Variants in PLCG2 observed in about 807,000 individuals in gnomAD.
PLCG2 encodes the protein phospholipase C gamma 2.
PLCG2 carries 69 observed loss-of-function variants against 175.6 expected under a neutral mutation model. The ratio of observed to expected loss-of-function variants is 0.39; its 90% CI spans 0.32 to 0.48. The LOEUF (loss-of-function observed/expected upper bound fraction) is 0.48, where lower values mean the gene tolerates loss of function less well. Among genes scored for constraint, PLCG2 ranks in the 20% least tolerant of loss-of-function variants. The pLI, the probability that PLCG2 is intolerant of heterozygous loss-of-function variation, is 0.91. For synonymous variants in PLCG2, 827 were observed against 624.0 expected (o/e 1.33, Z -4.85); for missense variants, 1,798 against 1,650.9 (o/e 1.09, Z -1.54).
chr16:81,928,837 A>T (rs530497122), intron 24 of PLCG2: 1 of 485,880 alleles, frequency 2.1e-6, no homozygotes, highest in Non-Finnish European at 3.7e-6. Context: ...GTGCTAAAAC[A>T]AGGTCTCGTA....
rs368242901 is a variant in PLCG2 at position 81,950,177 on chromosome 16, T to A, written c.3570+3914T>A. On this transcript the variant is annotated intron_variant, in intron 31 of 32. Coordinates refer to ENST00000564138, the MANE Select transcript of PLCG2 (RefSeq NM_002661.5). Reference sequence around the variant, plus strand: ...TGGTGAATAGGCTGAATCCTCCTATTAGAAAAGAAATCTACCTGCAGTGTT... The same window carrying A: ...TGGTGAATAGGCTGAATCCTCCTATAAGAAAAGAAATCTACCTGCAGTGTT... Among the ~76,000 whole-genome samples, 168 of 152,258 alleles carry A rather than the reference T, an allele frequency of 1.1e-3. 4 individuals carry two copies. In the South Asian group the frequency reaches 0.033, roughly 30 times the overall value.
chr16:81,902,906 A>G (rs1215511948), intron 14 of PLCG2, among the ~76,000 whole-genome samples: 3 of 152,148 alleles, frequency 2.0e-5, no homozygotes, highest in African/African-American at 4.8e-5. Context: ...CATTTATAAA[A>G]CCAGATCTCA....
At chr16:81,805,783 G>GTTTTTTTTTTTTTTTTTT (rs35014411) in intron 2 of PLCG2, among the ~76,000 whole-genome samples, 19 of 82,928 alleles carry the variant, frequency 2.3e-4, no homozygotes, top group African/African-American at 8.3e-4. Flanking sequence ...TTTTTTTTTT[G>GTTTTTTTTTTTTTTTTTT]TTTTTTTTTT....
chr16:81,878,267 A>T (rs1040352984), intron 7 of PLCG2, among the ~76,000 whole-genome samples: 4 of 151,822 alleles, frequency 2.6e-5, no homozygotes, highest in African/African-American at 4.8e-5. Context: ...TACAGGTGTG[A>T]GCCACCGTGC....
intron 2 of PLCG2, among the ~76,000 whole-genome samples, chr16:81,805,298 G>A (rs548125277): frequency 6.6e-6 from 1 of 152,176 alleles, no homozygotes; most frequent in Admixed American, 6.5e-5. Context: ...AGGAGATCGA[G>A]ACCATCCTGA....
At chr16:81,905,802 C>T (rs4392065) in intron 15 of PLCG2, among the ~76,000 whole-genome samples, 60,016 of 151,830 alleles carry the variant, frequency 0.4, 12,757 homozygotes, top group East Asian at 0.8. Flanking sequence ...TGGGACCACA[C>T]GTGCGCACCA....
At chr16:81,950,335 G>A (rs1291424375) in intron 31 of PLCG2, among the ~76,000 whole-genome samples, 3 of 152,050 alleles carry the variant, frequency 2.0e-5, no homozygotes, top group Non-Finnish European at 4.4e-5. Flanking sequence ...GTATTAAGAC[G>A]AACAATATGT....
chr16:81,905,007 C>T (rs1909305301), intron 14 of PLCG2, among the ~76,000 whole-genome samples: 1 of 152,230 alleles, frequency 6.6e-6, no homozygotes, highest in Non-Finnish European at 1.5e-5. Flanking sequence ...ACTGTCTCAG[C>T]CTCCTGAGTA....
At position 81,805,767 on chromosome 16, in the gene PLCG2, G is replaced by GTTTTGTTTT. The variant is rs1555508066; in HGVS notation, c.193+19589_193+19590insGTTTTTTTT. On this transcript the variant is annotated intron_variant, in intron 2 of 32. Transcript: ENST00000564138. ...AGCCATGAGAGTAGTGTTTTGTTTT[G>GTTTTGTTTT]TTTTTTTTTTTTTTTGTTTTTTTTT... Among the ~76,000 whole-genome samples the GTTTTGTTTT allele has an allele frequency of 1.8e-3, 72 of 39,424 alleles. 7 individuals are homozygous for GTTTTGTTTT. Among genetic ancestry groups the GTTTTGTTTT allele is most frequent in the African/African-American group, 3.2e-3 (26 of 8,142 alleles). The allele number at this position is 39,424 out of a possible 152,430, so 25.9% of individuals were successfully genotyped here.
rs12932761 is a variant in PLCG2 at position 81,854,215 on chromosome 16, C to T, written c.194-229C>T. On this transcript the variant is annotated intron_variant, in intron 2 of 32. Transcript: ENST00000564138. ...AAACAGGGTGAGCGGAAACCCCAAA[C>T]TCTTCAGACTCCAGGGGTTTGTGGG... 0.095 allele frequency among the ~76,000 whole-genome samples: 14,412 copies of T among 152,200 alleles called. 710 individuals carry two copies. Among genetic ancestry groups the T allele is most frequent in the Middle Eastern group, 0.1 (30 of 294 alleles).
rs556979372 is a variant in PLCG2 at position 81,882,819 on chromosome 16, A to G, written c.693-450A>G. On this transcript the variant is annotated intron_variant, in intron 8 of 32. Coordinates refer to ENST00000564138, the MANE Select transcript of PLCG2 (RefSeq NM_002661.5). ...ATCCCACCTCACTCTCTGGAGCTCA[A>G]GTAGGTGCCTTTTCCTCAGGAAAGC... 1.8e-3 allele frequency among the ~76,000 whole-genome samples: 274 copies of G among 152,106 alleles called. 2 individuals are homozygous for G. Among genetic ancestry groups the G allele is most frequent in the African/African-American group, 6.3e-3 (262 of 41,506 alleles).
Position 81,830,569 on chromosome 16 carries a change from A to G in PLCG2, c.194-23875A>G, listed in dbSNP as rs554403762. ...GTGATCCATAGGCCTCAGCCTCCCA[A>G]AGTGCTGGGATTACAGGCATAAGCC... On this transcript the variant is annotated intron_variant, in intron 2 of 32. Coordinates refer to ENST00000564138, the MANE Select transcript of PLCG2 (RefSeq NM_002661.5). Among the ~76,000 whole-genome samples, 14 of 152,034 alleles carry G rather than the reference A, an allele frequency of 9.2e-5. No individual in the cohort carries two copies. In the South Asian group the frequency reaches 2.1e-3, roughly 23 times the overall value.
intron 2 of PLCG2, among the ~76,000 whole-genome samples, chr16:81,810,112 C>T (rs1904304837): frequency 6.6e-6 from 1 of 152,166 alleles, no homozygotes. Flanking sequence ...CTGCCTCAGC[C>T]TCCTGAGTAG....
intron 30 of PLCG2, among the ~76,000 whole-genome samples, chr16:81,945,491 G>A (rs916447884): frequency 4.6e-5 from 7 of 152,214 alleles, no homozygotes; most frequent in African/African-American, 1.2e-4. Context: ...GGGAGTGACC[G>A]TTCTGTTTCA....
chr16:81,879,997 G>A (rs1381376405), intron 7 of PLCG2, among the ~76,000 whole-genome samples: 1 of 152,228 alleles, frequency 6.6e-6, no homozygotes, highest in African/African-American at 2.4e-5. Context: ...CCCAGCTACT[G>A]AGGGGGCTCA....
At chr16:81,831,815 C>T (rs1905270387) in intron 2 of PLCG2, among the ~76,000 whole-genome samples, 2 of 152,196 alleles carry the variant, frequency 1.3e-5, no homozygotes, top group African/African-American at 4.8e-5. Flanking sequence ...CTGTCTGCAA[C>T]AGGAACTGCC....
rs577736776 is a variant in PLCG2, at chr16:81,959,885, C to G, written c.*1887C>G. 1.6e-5 allele frequency: 3 copies of G among 190,018 alleles called. No individual in the cohort carries two copies. The highest frequency in any genetic ancestry group is 7.0e-5 in the African/African-American group (3 of 42,898). The allele number at this position is 190,018 out of a possible 1,614,324, so 11.8% of individuals were successfully genotyped here. On this transcript the variant is annotated 3_prime_UTR_variant, in exon 33 of 33. Coordinates refer to ENST00000564138, the MANE Select transcript of PLCG2 (RefSeq NM_002661.5). The stretch of plus-strand genomic sequence containing the variant: ...CTGTCATTACCTCCTTTCAGCTCCT[C>G]ACTTCATTCTACTTTAAAGCCACAG...
Position 81,891,578 on chromosome 16 carries a change from C to T in PLCG2, c.974C>T (p.Ser325Leu). The T allele has an allele frequency of 2.5e-6, 4 of 1,575,470 alleles. No homozygotes were observed. The highest frequency in any genetic ancestry group is 3.5e-6 in the Non-Finnish European group (4 of 1,145,080). The change falls in exon 11 of 33, where the codon TCG (serine) becomes TTG (leucine). Residue 325 changes from serine to leucine, a missense_variant. By Grantham distance (145) the Ser-to-Leu change is moderately radical. Transcript: ENST00000564138. ...CCCCTGTCTCATTACTGGATCTCCT[C>T]GTCACATAACACGTGAGTTTCAGAT... ...NNPLSHYWIS[S>L]SHNTYLTGDQ...
chr16:81,889,547 C>T (rs1035638486), intron 10 of PLCG2: 2 of 296,850 alleles, frequency 6.7e-6, no homozygotes, highest in Non-Finnish European at 1.3e-5. Context: ...AGGGAAAGAG[C>T]TTAACTCACT....
Sources: allele counts gnomAD v4.1 joint callset (sites outside exome capture counted in the v4.1 genomes callset), GRCh38; gene constraint gnomAD v4.1.1; transcripts MANE v1.5; gene names NCBI Gene and HGNC (gene_info 2026-07-23, HGNC 2026-07-21).